Variants in PAMR1 observed in about 807,000 individuals in gnomAD.
The protein encoded by PAMR1 is inactive serine protease PAMR1.
A neutral mutation model predicts 81.8 loss-of-function variants in PAMR1; 88 were observed. The ratio of observed to expected loss-of-function variants is 1.08; its 90% CI spans 0.91 to 1.28. The LOEUF (loss-of-function observed/expected upper bound fraction) is 1.28. Among genes scored for constraint, PAMR1 ranks in the 50% most tolerant of loss-of-function variants. PAMR1 has a pLI of 0.00. For missense variants in PAMR1, 935 were observed against 919.7 expected (o/e 1.02, Z -0.21); for synonymous variants, 336 against 345.3 (o/e 0.97, Z 0.30).
At chr11:35,507,044 T>C (rs1356027161) in intron 1 of PAMR1, among the ~76,000 whole-genome samples, 589 of 45,368 alleles carry the variant, frequency 0.013, 57 homozygotes, top group East Asian at 0.11. Flanking sequence ...CCTGACTTTT[T>C]TTTTTTTTTT....
chr11:35,524,699 C>T (rs570869571), intron 1 of PAMR1, among the ~76,000 whole-genome samples: 94 of 152,268 alleles, frequency 6.2e-4, no homozygotes, highest in Admixed American at 9.8e-4. Context: ...GACAGATGTT[C>T]CTATGACGTT....
intron 1 of PAMR1, among the ~76,000 whole-genome samples, chr11:35,524,586 AC>A (rs1391787423): frequency 6.6e-6 from 1 of 152,178 alleles, no homozygotes; most frequent in Non-Finnish European, 1.5e-5. Context: ...GAAGGCTCGT[AC>A]ATAACCTGCC....
chr11:35,523,949 A>G (rs374998780), intron 1 of PAMR1, among the ~76,000 whole-genome samples: 1 of 152,024 alleles, frequency 6.6e-6, no homozygotes, highest in Non-Finnish European at 1.5e-5. Context: ...AGGTTTTTTT[A>G]TTTTCTTTTA....
At chr11:35,469,175 A>T (rs981252446) in intron 5 of PAMR1, among the ~76,000 whole-genome samples, 4 of 152,236 alleles carry the variant, frequency 2.6e-5, no homozygotes, top group Non-Finnish European at 1.5e-5. Flanking sequence ...ATGGATTTTG[A>T]TGTGCAGGTT....
chr11:35,476,097 C>T (rs1224077212), intron 3 of PAMR1, among the ~76,000 whole-genome samples: 1 of 152,138 alleles, frequency 6.6e-6, no homozygotes, highest in Non-Finnish European at 1.5e-5. Context: ...AGGTCTGAGG[C>T]TTCTTACTTT....
Position 35,434,519 on chromosome 11 carries a change from C to T in PAMR1, c.1619G>A (p.Ser540Asn), listed in dbSNP as rs948659616. The change falls in exon 10 of 11, where the codon AGC becomes AAC. Residue 540 changes from serine (S) to asparagine (N), a missense_variant. Physicochemically the swap from Ser to Asn is conservative, Grantham distance 46 (BLOSUM62 1). Transcript: ENST00000619888. ...GTGCAAGCCCTCTCTTACCTGTAGG[C>T]TCTGGATGGTCTTCTCATCCCGGTC... The part of the protein sequence containing the change: ...DDDRDEKTIQ[S>N]LQISAIILHP... 7 of 1,613,678 alleles carry T rather than the reference C, an allele frequency of 4.3e-6. No homozygotes were observed. In the South Asian group the frequency reaches 4.4e-5, roughly 10 times the overall value.
At chr11:35,467,527 A>G (rs1316707558) in intron 6 of PAMR1, among the ~76,000 whole-genome samples, 1 of 152,198 alleles carries the variant, frequency 6.6e-6, no homozygotes, top group Admixed American at 6.5e-5. Flanking sequence ...TTTGCTCACG[A>G]AAGAGGATGC....
intron 4 of PAMR1, among the ~76,000 whole-genome samples, chr11:35,474,291 C>A (rs767294274): frequency 1.3e-5 from 2 of 152,214 alleles, no homozygotes; most frequent in Middle Eastern, 3.2e-3. Context: ...TAGGCCTGTG[C>A]CTTTTATTTC....
At chr11:35,523,886 G>A (rs1448248083) in intron 1 of PAMR1, among the ~76,000 whole-genome samples, 2 of 152,162 alleles carry the variant, frequency 1.3e-5, no homozygotes, top group Non-Finnish European at 2.9e-5. Context: ...GAGGTTCTCG[G>A]GTCAGAAATA....
intron 4 of PAMR1, 126 bp from the exon 5 acceptor site, chr11:35,470,944 T>C (rs1421477680): frequency 1.5e-6 from 1 of 679,068 alleles, no homozygotes; most frequent in Non-Finnish European, 2.6e-6. Context: ...CCTGATCGGA[T>C]AGGAAAATGG....
intron 1 of PAMR1, among the ~76,000 whole-genome samples, chr11:35,501,983 T>C (rs1382474545): frequency 6.6e-6 from 1 of 152,198 alleles, no homozygotes; most frequent in Non-Finnish European, 1.5e-5. Context: ...CTATTTTTAG[T>C]TTGCTGAGAA....
chr11:35,476,666 G>A (rs561373235), intron 3 of PAMR1, among the ~76,000 whole-genome samples: 7 of 152,190 alleles, frequency 4.6e-5, no homozygotes, highest in East Asian at 1.9e-4. Context: ...CCTTGTTCCC[G>A]AACATACTGT....
chr11:35,482,919 T>C (rs1052776410), intron 3 of PAMR1, among the ~76,000 whole-genome samples: 1 of 152,214 alleles, frequency 6.6e-6, no homozygotes, highest in Non-Finnish European at 1.5e-5. Flanking sequence ...ATTATAGTCA[T>C]CTTTTCCTGT....
In PAMR1 at chr11:35,435,948, G is replaced by A. The variant is rs779858370; in HGVS notation, c.1288C>T (p.Leu430=). Residue 430 remains leucine, a synonymous_variant, in exon 9 of 11, where the codon CTG becomes TTG. Transcript: ENST00000619888. ...RRLGSSRRTC[L]RTGKWSGRAP... is the part of the protein sequence containing the mutation. ...CGCCCACTCCACTTCCCAGTCCTCA[G>A]ACATGTCCTCCTGCTGCTGCCCAGG... is the stretch of plus-strand genomic sequence containing the variant. 15 of 1,614,218 alleles carry A rather than the reference G, an allele frequency of 9.3e-6. No individual in the cohort carries two copies. Among genetic ancestry groups the A allele is most frequent in the Non-Finnish European group, 1.3e-5 (15 of 1,180,030 alleles).
In PAMR1 at chr11:35,432,002, C is replaced by T; in HGVS notation, c.*354G>A. On this transcript the variant is annotated 3_prime_UTR_variant, in exon 11 of 11. Coordinates refer to ENST00000619888, the MANE Select transcript of PAMR1 (RefSeq NM_001001991.3). Reference sequence around the variant, plus strand: ...AGAACTTGAGAGCCTCAAAAGGGGCCTCATGAAGCCCAGATCTTCCCTGGT... The same window carrying T: ...AGAACTTGAGAGCCTCAAAAGGGGCTTCATGAAGCCCAGATCTTCCCTGGT... 1 of 257,888 alleles carries T rather than the reference C, an allele frequency of 3.9e-6. No individual in the cohort carries two copies. The highest frequency in any genetic ancestry group is 7.5e-6 in the Non-Finnish European group (1 of 133,480). The allele number at this position is 257,888 out of a possible 1,614,324, so 16.0% of individuals were successfully genotyped here.
At chr11:35,433,175 C>A (rs187364119) in intron 10 of PAMR1, among the ~76,000 whole-genome samples, 35 of 152,322 alleles carry the variant, frequency 2.3e-4, no homozygotes, top group African/African-American at 7.0e-4. Context: ...CTGCAGTCAG[C>A]CACTCCATGC....
chr11:35,512,957 C>G (rs901695598), intron 1 of PAMR1, among the ~76,000 whole-genome samples: 1 of 152,164 alleles, frequency 6.6e-6, no homozygotes, highest in Non-Finnish European at 1.5e-5. Context: ...CACCACTGCA[C>G]TCCAGCCTGG....
At chr11:35,480,417 A>G (rs1448065969) in intron 3 of PAMR1, among the ~76,000 whole-genome samples, 1 of 152,222 alleles carries the variant, frequency 6.6e-6, no homozygotes, top group African/African-American at 2.4e-5. Flanking sequence ...AGGGTAGCAC[A>G]AAGAGTTAAG....
chr11:35,476,409 T>C (rs1048293186), intron 3 of PAMR1, among the ~76,000 whole-genome samples: 24 of 152,162 alleles, frequency 1.6e-4, no homozygotes, highest in Admixed American at 2.6e-4. Context: ...GTTCTTGTGA[T>C]AGTGAGTGAG....
Sources: allele counts gnomAD v4.1 joint callset (sites outside exome capture counted in the v4.1 genomes callset), GRCh38; gene constraint gnomAD v4.1.1; transcripts MANE v1.5; gene names NCBI Gene and HGNC (gene_info 2026-07-23, HGNC 2026-07-21).